The following ST6GALNAC3 variants were observed in gnomAD, a reference collection of about 807,000 sequenced individuals.
The protein encoded by ST6GALNAC3 is alpha-N-acetylgalactosaminide alpha-2,6-sialyltransferase 3.
ST6GALNAC3 carries 25 observed loss-of-function variants against 32.7 expected under a neutral mutation model. That is an observed-to-expected ratio of 0.76 (90% CI 0.56 to 1.07). The LOEUF is 1.07. Among genes scored for constraint, ST6GALNAC3 ranks in the 50% least tolerant of loss-of-function variants. The pLI, the probability that ST6GALNAC3 is intolerant of heterozygous loss-of-function variation, is 0.00. For synonymous variants in ST6GALNAC3, 129 were observed against 133.1 expected (o/e 0.97, Z 0.21); for missense variants, 355 against 382.4 (o/e 0.93, Z 0.60).
At chr1:76,426,259 G>A (rs551071173) in intron 3 of ST6GALNAC3, among the ~76,000 whole-genome samples, 21 of 151,986 alleles carry the variant, frequency 1.4e-4, no homozygotes, top group Non-Finnish European at 2.2e-4. Flanking sequence ...CACCATGAGG[G>A]CATAACTTGT....
At chr1:76,154,915 G>T (rs1651296071) in intron 1 of ST6GALNAC3, among the ~76,000 whole-genome samples, 1 of 152,206 alleles carries the variant, frequency 6.6e-6, no homozygotes, top group Non-Finnish European at 1.5e-5. Context: ...CAGCCACTGG[G>T]TGGGGTCAGT....
At chr1:76,625,949 G>C (rs1648940815) in intron 3 of ST6GALNAC3, among the ~76,000 whole-genome samples, 1 of 151,884 alleles carries the variant, frequency 6.6e-6, no homozygotes, top group Non-Finnish European at 1.5e-5. Context: ...TATGGGCTGA[G>C]TCTGTGTATC....
intron 3 of ST6GALNAC3, among the ~76,000 whole-genome samples, chr1:76,486,417 G>T (rs1660119623): frequency 6.6e-6 from 1 of 152,144 alleles, no homozygotes; most frequent in East Asian, 1.9e-4. Flanking sequence ...CCTGTATTGG[G>T]TGCATATATA....
chr1:76,464,493 G>A (rs1023226131), intron 3 of ST6GALNAC3, among the ~76,000 whole-genome samples: 3 of 152,158 alleles, frequency 2.0e-5, no homozygotes, highest in African/African-American at 7.2e-5. Context: ...GGGAGGAATA[G>A]TCTTACAGAA....
At chr1:76,454,343 G>A (rs539584112) in intron 3 of ST6GALNAC3, among the ~76,000 whole-genome samples, 1 of 151,844 alleles carries the variant, frequency 6.6e-6, no homozygotes, top group Non-Finnish European at 1.5e-5. Context: ...CTGAAAATTT[G>A]GTGTTTTTTA....
intron 1 of ST6GALNAC3, among the ~76,000 whole-genome samples, chr1:76,270,351 A>G (rs147081608): frequency 2.0e-5 from 3 of 152,048 alleles, no homozygotes; most frequent in Middle Eastern, 3.4e-3. Flanking sequence ...TGCTAAAAGT[A>G]TAAAAATAAG....
At chr1:76,581,275 T>C (rs1331775962) in intron 3 of ST6GALNAC3, among the ~76,000 whole-genome samples, 2 of 152,130 alleles carry the variant, frequency 1.3e-5, no homozygotes, top group Admixed American at 6.6e-5. Context: ...CTAAGGAATG[T>C]TGATTTTCTA....
intron 1 of ST6GALNAC3, chr1:76,313,541 G>A (rs1646808673): frequency 5.5e-6 from 3 of 546,238 alleles, no homozygotes; most frequent in African/African-American, 3.8e-5. Context: ...GAATAGGAGT[G>A]TACAAGGAAT....
intron 1 of ST6GALNAC3, among the ~76,000 whole-genome samples, chr1:76,309,129 T>C (rs1408277184): frequency 6.6e-6 from 1 of 152,172 alleles, no homozygotes; most frequent in African/African-American, 2.4e-5. Context: ...ATACTTACCC[T>C]TCCTCTGGCC....
chr1:76,225,827 T>C (rs539545967), intron 1 of ST6GALNAC3, among the ~76,000 whole-genome samples: 2 of 152,186 alleles, frequency 1.3e-5, no homozygotes, highest in East Asian at 3.9e-4. Flanking sequence ...AAAGAGGCAT[T>C]TTAAGAGCCC....
chr1:76,251,601 A>G (rs1657620839), intron 1 of ST6GALNAC3, among the ~76,000 whole-genome samples: 1 of 152,076 alleles, frequency 6.6e-6, no homozygotes, highest in Non-Finnish European at 1.5e-5. Flanking sequence ...ACTCTTAGTC[A>G]TTCTATAAGT....
rs1649318936 is a variant in ST6GALNAC3, at chr1:76,631,959, G to A, written c.*3153G>A. 1 of 152,018 alleles carries A rather than the reference G, an allele frequency of 6.6e-6. No individual in the cohort carries two copies. Among genetic ancestry groups the A allele is most frequent in the Non-Finnish European group, 1.5e-5 (1 of 67,982 alleles). 9.4% of individuals were successfully genotyped at this position (152,018 alleles called of 1,614,324 possible). On this transcript the variant is annotated 3_prime_UTR_variant, in exon 5 of 5. Coordinates refer to ENST00000328299, the MANE Select transcript of ST6GALNAC3 (RefSeq NM_152996.4). ...TAATGTGAATAAGAAACCTTTTAGA[G>A]TATATGATTTTACATTGCTATCAAA...
intron 3 of ST6GALNAC3, among the ~76,000 whole-genome samples, chr1:76,573,363 T>C (rs1646742609): frequency 6.6e-6 from 1 of 152,132 alleles, no homozygotes; most frequent in African/African-American, 2.4e-5. Context: ...AATCTCATTG[T>C]TGATTGGCAT....
intron 1 of ST6GALNAC3, among the ~76,000 whole-genome samples, chr1:76,181,647 CA>C (rs1226632721): frequency 2.6e-5 from 4 of 151,736 alleles, no homozygotes; most frequent in African/African-American, 7.3e-5. Context: ...TTACATTAGC[CA>C]AAAAAATATG....
At chr1:76,385,062 A>G (rs1226057932) in intron 2 of ST6GALNAC3, among the ~76,000 whole-genome samples, 2 of 152,136 alleles carry the variant, frequency 1.3e-5, no homozygotes, top group African/African-American at 4.8e-5. Flanking sequence ...AGCGATAGTG[A>G]TACAAGTTGG....
intron 3 of ST6GALNAC3, among the ~76,000 whole-genome samples, chr1:76,532,052 T>TACTG (rs1663291813): frequency 6.6e-6 from 1 of 152,178 alleles, no homozygotes; most frequent in Admixed American, 6.5e-5. Context: ...GTCTTCTCTT[T>TACTG]ACTGACTTCA....
chr1:76,112,463 G>T (rs1365709316), intron 1 of ST6GALNAC3, among the ~76,000 whole-genome samples: 1 of 150,312 alleles, frequency 6.7e-6, no homozygotes, highest in Non-Finnish European at 1.5e-5. Flanking sequence ...CTGGCCGGGC[G>T]GGGGGCTAAC....
chr1:76,507,754 G>C (rs1277820992), intron 3 of ST6GALNAC3, among the ~76,000 whole-genome samples: 1 of 152,092 alleles, frequency 6.6e-6, no homozygotes, highest in Admixed American at 6.5e-5. Flanking sequence ...ACAACTCTTT[G>C]TGTGGACACA....
chr1:76,540,482 A>C (rs997806898), intron 3 of ST6GALNAC3, among the ~76,000 whole-genome samples: 2 of 152,188 alleles, frequency 1.3e-5, no homozygotes, highest in Non-Finnish European at 2.9e-5. Context: ...TATTAAAAGA[A>C]ATAAAAACAA....
Sources: gnomAD v4.1 joint callset for allele counts (sites outside exome capture counted in the v4.1 genomes callset) on GRCh38, gnomAD v4.1.1 for gene constraint, MANE v1.5 for transcripts, NCBI Gene and HGNC (gene_info 2026-07-23, HGNC 2026-07-21) for gene names.